Variants in BAZ2B observed in about 807,000 individuals in gnomAD.
The protein encoded by BAZ2B is bromodomain adjacent to zinc finger domain protein 2B.
A neutral mutation model predicts 246.0 loss-of-function variants in BAZ2B; 91 were observed. The ratio of observed to expected loss-of-function variants is 0.37; its 90% CI spans 0.31 to 0.44. BAZ2B has a LOEUF of 0.44. Among genes scored for constraint, BAZ2B ranks in the 20% least tolerant of loss-of-function variants. BAZ2B has a pLI of 1.00. For synonymous variants in BAZ2B, 855 were observed against 860.0 expected, an observed-to-expected ratio of 0.99 and a Z score of 0.10; for missense variants, 2,332 against 2,533.7, an observed-to-expected ratio of 0.92 and a Z score of 1.71.
chr2:159,475,139 G>T (rs1482001258), intron 3 of BAZ2B, among the ~76,000 whole-genome samples: 3 of 152,176 alleles, frequency 2.0e-5, no homozygotes. Flanking sequence ...GTAATATCCT[G>T]AAGAGTGTTT....
At chr2:159,447,824 T>C (rs1379933767) in intron 5 of BAZ2B, among the ~76,000 whole-genome samples, 2 of 152,064 alleles carry the variant, frequency 1.3e-5, no homozygotes, top group Non-Finnish European at 2.9e-5. Context: ...TATAAAACTG[T>C]TATTAAGGCC....
At chr2:159,594,511 A>G (rs147486896) in intron 1 of BAZ2B, among the ~76,000 whole-genome samples, 88 of 152,384 alleles carry the variant, frequency 5.8e-4, no homozygotes, top group African/African-American at 2.0e-3. Context: ...CTAATTTAAT[A>G]CATTCTAATT....
intron 2 of BAZ2B, among the ~76,000 whole-genome samples, chr2:159,485,437 T>C (rs557769515): frequency 1.3e-5 from 2 of 152,294 alleles, no homozygotes; most frequent in South Asian, 4.1e-4. Flanking sequence ...TTAAGTATGG[T>C]ATACAGTGGT....
At chr2:159,385,469 T>C (rs2062530569) in intron 22 of BAZ2B, 100 bp from the exon 23 acceptor site, 8 of 1,003,604 alleles carry the variant, frequency 8.0e-6, no homozygotes, top group Non-Finnish European at 8.6e-6. Flanking sequence ...TAGATACTAC[T>C]GACAAGAGCT....
intron 19 of BAZ2B, chr2:159,397,016 C>T: frequency 2.3e-6 from 3 of 1,283,764 alleles, no homozygotes; most frequent in Non-Finnish European, 3.1e-6. Flanking sequence ...CTATGACAAC[C>T]ATATCACAAC....
At chr2:159,672,761 G>A in the BAZ2B span, among the ~76,000 whole-genome samples, 9 of 152,014 alleles carry the variant, frequency 5.9e-5, no homozygotes, top group Non-Finnish European at 1.3e-4. Flanking sequence ...AAGACTAGAG[G>A]AAAAATGCAC....
At chr2:159,602,435 T>C (rs1345458497) in intron 1 of BAZ2B, among the ~76,000 whole-genome samples, 1 of 152,200 alleles carries the variant, frequency 6.6e-6, no homozygotes, top group African/African-American at 2.4e-5. Flanking sequence ...TTAAATTATA[T>C]AAACTTACAG....
intron 13 of BAZ2B, among the ~76,000 whole-genome samples, chr2:159,426,778 T>C (rs1016084653): frequency 1.6e-4 from 24 of 152,094 alleles, no homozygotes; most frequent in African/African-American, 5.8e-4. Flanking sequence ...CCTTAAAAAA[T>C]TCCTTTAAGC....
chr2:159,469,499 A>G (rs570471721), intron 3 of BAZ2B, among the ~76,000 whole-genome samples: 1 of 152,208 alleles, frequency 6.6e-6, no homozygotes, highest in African/African-American at 2.4e-5. Context: ...GCGGTGGTAC[A>G]ATCTCGGCTC....
intron 25 of BAZ2B, among the ~76,000 whole-genome samples, chr2:159,378,541 G>T (rs1318435263): frequency 6.6e-6 from 1 of 152,192 alleles, no homozygotes; most frequent in East Asian, 1.9e-4. Context: ...GAAAACATTT[G>T]CAAATCATAT....
At chr2:159,389,125 C>CAAA (rs1559220583) in intron 21 of BAZ2B, among the ~76,000 whole-genome samples, 145 of 149,282 alleles carry the variant, frequency 9.7e-4, no homozygotes, top group African/African-American at 3.3e-3. Flanking sequence ...AACCAACCAA[C>CAAA]CAAACAAACA....
chr2:159,570,188 T>G lies in BAZ2B; in HGVS notation c.-45-14323A>C, dbSNP rs533018544. On this transcript the variant is annotated intron_variant, in intron 1 of 36. Coordinates refer to ENST00000392783, the MANE Select transcript of BAZ2B (RefSeq NM_013450.4). ...TTCATTAAAGTTTTTTTTTGTTTTT[T>G]TTGTTTTTTTTCTGGAGACAGACTC... Among the ~76,000 whole-genome samples, 419 of 151,920 alleles carry G rather than the reference T, an allele frequency of 2.8e-3. 2 individuals are homozygous for G. The highest frequency in any genetic ancestry group is 8.8e-3 in the African/African-American group (366 of 41,402).
the BAZ2B span, among the ~76,000 whole-genome samples, chr2:159,702,378 T>G: frequency 3.3e-5 from 5 of 152,196 alleles, no homozygotes; most frequent in African/African-American, 1.2e-4. Flanking sequence ...ATTATTAAAA[T>G]TTAACTTAAA....
chr2:159,325,117 T>TTATA (rs1344829292), intron 35 of BAZ2B, among the ~76,000 whole-genome samples, 163 bp from the exon 36 acceptor site: 92 of 3,348 alleles, frequency 0.027, 1 homozygote, highest in African/African-American at 0.062. Flanking sequence ...TATATATATT[T>TTATA]TATATATATA....
intron 2 of BAZ2B, among the ~76,000 whole-genome samples, chr2:159,536,859 G>T (rs749488993): frequency 2.0e-5 from 3 of 152,146 alleles, no homozygotes; most frequent in Non-Finnish European, 2.9e-5. Context: ...TGTTGACATT[G>T]AAAGAACTTC....
intron 34 of BAZ2B, among the ~76,000 whole-genome samples, chr2:159,327,790 G>A (rs1205543939): frequency 6.6e-6 from 1 of 152,110 alleles, no homozygotes; most frequent in African/African-American, 2.4e-5. Flanking sequence ...TGGGCCAGGC[G>A]CGGTAACTCA....
the BAZ2B span, among the ~76,000 whole-genome samples, chr2:159,680,942 G>A: frequency 1.3e-5 from 2 of 152,144 alleles, no homozygotes; most frequent in Admixed American, 6.5e-5. Context: ...TAACAGCTCT[G>A]AAATGATGAT....
intron 4 of BAZ2B, among the ~76,000 whole-genome samples, chr2:159,449,479 C>T (rs1354776248): frequency 6.6e-6 from 1 of 152,088 alleles, no homozygotes; most frequent in Admixed American, 6.6e-5. Context: ...AAAAACTTTT[C>T]TAGGAATATC....
At chr2:159,506,721 A>G (rs1489836514) in intron 2 of BAZ2B, among the ~76,000 whole-genome samples, 2 of 152,216 alleles carry the variant, frequency 1.3e-5, no homozygotes, top group Non-Finnish European at 2.9e-5. Context: ...GGGAAACACC[A>G]TTACCACAAT....
Sources: gnomAD v4.1 joint callset for allele counts (sites outside exome capture counted in the v4.1 genomes callset) on GRCh38, gnomAD v4.1.1 for gene constraint, MANE v1.5 for transcripts, NCBI Gene and HGNC (gene_info 2026-07-23, HGNC 2026-07-21) for gene names.